Variants in TACR1 observed in about 807,000 individuals in gnomAD.
The protein encoded by TACR1 is tachykinin receptor 1, also known as substance-P receptor.
Under a neutral mutation model 35.8 loss-of-function variants are expected in TACR1, and 25 were observed. The ratio of observed to expected loss-of-function variants is 0.70; its 90% CI spans 0.51 to 0.98. The LOEUF is 0.98. TACR1 is among the 50% of genes least tolerant of loss of function. TACR1 has a pLI of 0.00. For synonymous variants in TACR1, 195 were observed against 206.7 expected, an observed-to-expected ratio of 0.94 and a Z score of 0.48; for missense variants, 478 against 522.9, an observed-to-expected ratio of 0.91 and a Z score of 0.84.
chr2:75,196,893 T>C (rs1342411155), intron 1 of TACR1, among the ~76,000 whole-genome samples: 1 of 152,158 alleles, frequency 6.6e-6, no homozygotes. Context: ...AAGAGAGTGT[T>C]TGTAAGGCTG....
Position 75,199,418 on chromosome 2 carries a change from A to T in TACR1, c.-484T>A, listed in dbSNP as rs1676077182. The stretch of plus-strand genomic sequence containing the variant: ...TAAAAGTTCTGAGCCTATGGCCAGG[A>T]TTCTGGAGCTTCGTATCCAGCTGGA... On this transcript the variant is annotated 5_prime_UTR_variant, in exon 1 of 5. Transcript: ENST00000305249. 6.4e-6 allele frequency: 1 copy of T among 156,748 alleles called. No individual in the cohort carries two copies. Among genetic ancestry groups the T allele is most frequent in the African/African-American group, 2.4e-5 (1 of 41,494 alleles). 9.7% of individuals were successfully genotyped at this position (156,748 alleles called of 1,614,324 possible).
intron 2 of TACR1, among the ~76,000 whole-genome samples, chr2:75,066,722 A>G (rs577153441): frequency 1.6e-4 from 25 of 152,358 alleles, no homozygotes; most frequent in African/African-American, 6.0e-4. Context: ...CCCAGCATAG[A>G]CAATAGACCA....
chr2:75,196,448 C>A (rs1675976883), intron 1 of TACR1, among the ~76,000 whole-genome samples: 1 of 152,164 alleles, frequency 6.6e-6, no homozygotes, highest in South Asian at 2.1e-4. Flanking sequence ...CCATTGGTAA[C>A]CTCCCTGGGC....
chr2:75,099,306 G>A (rs1673486441), intron 2 of TACR1, among the ~76,000 whole-genome samples: 1 of 152,078 alleles, frequency 6.6e-6, no homozygotes, highest in Admixed American at 6.5e-5. Flanking sequence ...CCACACCTGG[G>A]ATATGCATGA....
chr2:75,133,864 C>T (rs1389743996), intron 1 of TACR1, among the ~76,000 whole-genome samples: 1 of 152,170 alleles, frequency 6.6e-6, no homozygotes, highest in Non-Finnish European at 1.5e-5. Context: ...GCACAAGCTA[C>T]AAGATACAGT....
intron 1 of TACR1, among the ~76,000 whole-genome samples, chr2:75,181,290 G>GAATTTA (rs1675551959): frequency 6.6e-6 from 1 of 151,616 alleles, no homozygotes; most frequent in Non-Finnish European, 1.5e-5. Context: ...GGATCATTTT[G>GAATTTA]AAAAGCTTCT....
At chr2:75,074,891 G>A (rs1672951103) in intron 2 of TACR1, among the ~76,000 whole-genome samples, 1 of 152,094 alleles carries the variant, frequency 6.6e-6, no homozygotes, top group African/African-American at 2.4e-5. Context: ...ATTTACCTGG[G>A]GTTTTCCCAG....
intron 2 of TACR1, among the ~76,000 whole-genome samples, chr2:75,116,906 G>A (rs1415141238): frequency 2.0e-5 from 3 of 150,404 alleles, no homozygotes; most frequent in South Asian, 2.1e-4. Context: ...GTGAAACTCC[G>A]TCTCAAAAAA....
At chr2:75,120,833 A>G in intron 1 of TACR1, 65 bp from the exon 2 acceptor site, 2 of 1,305,928 alleles carry the variant, frequency 1.5e-6, no homozygotes, top group Non-Finnish European at 2.1e-6. Context: ...GAGATTCCAT[A>G]TTTTTCCTGC....
At chr2:75,140,107 A>G (rs1261242459) in intron 1 of TACR1, among the ~76,000 whole-genome samples, 3 of 152,280 alleles carry the variant, frequency 2.0e-5, no homozygotes, top group Non-Finnish European at 2.9e-5. Context: ...CCTGGCCACA[A>G]TGAGAATGGA....
At chr2:75,146,204 C>A (rs1241311436) in intron 1 of TACR1, among the ~76,000 whole-genome samples, 2 of 152,124 alleles carry the variant, frequency 1.3e-5, no homozygotes. Context: ...CTCACTGCAA[C>A]CTCCACGTCC....
At position 75,120,653 on chromosome 2, in the gene TACR1, A is replaced by C. The variant is rs1375156597; in HGVS notation, c.505T>G (p.Ser169Ala). 3 of 1,613,888 alleles carry C rather than the reference A, an allele frequency of 1.9e-6. No homozygotes were observed. The highest frequency in any genetic ancestry group is 2.5e-6 in the Non-Finnish European group (3 of 1,180,000). ...LLLAFPQGYY[S>A]TTETMPSRVV... Reference sequence around the variant, plus strand: ...CTGCTGGGCATGGTCTCTGTGGTTGAGTAGTAGCCCTGGGGGAAGGCCAGC... The same window carrying C: ...CTGCTGGGCATGGTCTCTGTGGTTGCGTAGTAGCCCTGGGGGAAGGCCAGC... Residue 169 changes from serine to alanine, a missense_variant, in exon 2 of 5, where the codon TCA (serine) becomes GCA (alanine). Transcript: ENST00000305249.
chr2:75,095,637 C>G (rs1673406589), intron 2 of TACR1, among the ~76,000 whole-genome samples: 1 of 152,148 alleles, frequency 6.6e-6, no homozygotes, highest in South Asian at 2.1e-4. Context: ...AGAAGCTGGG[C>G]TTACCCTCAG....
intron 1 of TACR1, chr2:75,187,477 C>T (rs1214042758): frequency 6.6e-6 from 1 of 152,218 alleles, no homozygotes; most frequent in Non-Finnish European, 1.5e-5. Flanking sequence ...GCACCTCTTA[C>T]ATTCCACATT....
At chr2:75,103,071 A>G (rs537701895) in intron 2 of TACR1, among the ~76,000 whole-genome samples, 27 of 152,182 alleles carry the variant, frequency 1.8e-4, no homozygotes, top group Admixed American at 7.2e-4. Flanking sequence ...ACTTTTGTTC[A>G]TGTGGGTCGT....
At chr2:75,141,061 A>C (rs1375341674) in intron 1 of TACR1, among the ~76,000 whole-genome samples, 1 of 152,158 alleles carries the variant, frequency 6.6e-6, no homozygotes, top group Non-Finnish European at 1.5e-5. Context: ...TGAGTCTCTT[A>C]AGAACTGGGT....
intron 1 of TACR1, among the ~76,000 whole-genome samples, chr2:75,182,405 C>A (rs1675580820): frequency 6.6e-6 from 1 of 152,210 alleles, no homozygotes; most frequent in African/African-American, 2.4e-5. Context: ...ACAATACCCA[C>A]CCCTGACACT....
chr2:75,149,120 C>T (rs925607832), intron 1 of TACR1, among the ~76,000 whole-genome samples: 17 of 151,938 alleles, frequency 1.1e-4, no homozygotes, highest in African/African-American at 2.2e-4. Context: ...TTTTGGTTAC[C>T]GTAGCCTTGT....
intron 1 of TACR1, among the ~76,000 whole-genome samples, chr2:75,140,221 G>A (rs1674375382): frequency 6.6e-6 from 1 of 152,064 alleles, no homozygotes; most frequent in Admixed American, 6.6e-5. Context: ...TTAGGGGTAG[G>A]AGGCTGGGTG....
Sources: allele counts gnomAD v4.1 joint callset (sites outside exome capture counted in the v4.1 genomes callset), GRCh38; gene constraint gnomAD v4.1.1; transcripts MANE v1.5; gene names NCBI Gene and HGNC (gene_info 2026-07-23, HGNC 2026-07-21).